PRTG: variants seen among roughly 807,000 people sequenced by gnomAD.
PRTG encodes immunoglobulin superfamily, DCC subclass, member 5.
A neutral mutation model predicts 122.5 loss-of-function variants in PRTG; 67 were observed. That is an observed-to-expected ratio of 0.55 (90% confidence interval 0.45 to 0.67). The LOEUF (loss-of-function observed/expected upper bound fraction) is 0.67, where lower values mean the gene tolerates loss of function less well. Among genes scored for constraint, PRTG ranks in the 30% least tolerant of loss-of-function variants. The probability of loss-of-function intolerance (pLI) is 0.00; values close to 1 mark genes in which losing one functional copy is unlikely to be tolerated. For missense variants in PRTG, 1,435 were observed against 1,415.4 expected (o/e 1.01, Z -0.22); for synonymous variants, 554 against 501.1 (o/e 1.11, Z -1.41).
At chr15:55,730,611 T>A (rs2031196465) in intron 2 of PRTG, among the ~76,000 whole-genome samples, 1 of 151,882 alleles carries the variant, frequency 6.6e-6, no homozygotes, top group Non-Finnish European at 1.5e-5. Context: ...CCATCCTGGC[T>A]AACACAGTGA....
chr15:55,670,744 A>G (rs1157943808), intron 11 of PRTG, among the ~76,000 whole-genome samples: 1 of 152,106 alleles, frequency 6.6e-6, no homozygotes, highest in African/African-American at 2.4e-5. Flanking sequence ...TCTGCTAAAA[A>G]TTCAAAATTA....
chr15:55,673,565 C>A lies in PRTG; in HGVS notation c.1658G>T (p.Arg553Leu). The change falls in exon 10 of 20, where the codon CGC becomes CTC. Residue 553 changes from arginine to leucine, a missense_variant. Transcript: ENST00000389286. ...KYRRGQVVLY[R>L]LSFRLSTENS... ...CTCAGTACTTAGGCGGAAAGACAAG[C>A]GATACAGCACCACTTGGCCCCGCCG... The A allele has an allele frequency of 6.2e-7, 1 of 1,614,112 alleles. No homozygotes were observed. Among genetic ancestry groups the A allele is most frequent in the East Asian group, 2.2e-5 (1 of 44,876 alleles).
At chr15:55,678,642 A>T (rs905087524) in intron 7 of PRTG, among the ~76,000 whole-genome samples, 5 of 152,180 alleles carry the variant, frequency 3.3e-5, no homozygotes, top group Non-Finnish European at 5.9e-5. Context: ...TAATCACTTA[A>T]AATTATTCAT....
intron 2 of PRTG, among the ~76,000 whole-genome samples, chr15:55,712,352 G>C (rs1415389228): frequency 7.2e-5 from 11 of 152,174 alleles, no homozygotes; most frequent in Non-Finnish European, 1.6e-4. Context: ...TTTAGTCCGT[G>C]GACAGAGGGG....
chr15:55,636,674 T>G (rs1002808914), intron 15 of PRTG, among the ~76,000 whole-genome samples: 2 of 148,880 alleles, frequency 1.3e-5, no homozygotes, highest in African/African-American at 5.0e-5. Context: ...CGAGACAGAG[T>G]CTTGTTCTTG....
chr15:55,624,577 T>A (rs1172610706), intron 17 of PRTG, 70 bp from the exon 18 acceptor site: 63 of 1,333,756 alleles, frequency 4.7e-5, no homozygotes, highest in Non-Finnish European at 6.4e-5. Context: ...CCACCTGGCC[T>A]ATCAACAAAA....
Position 55,675,509 on chromosome 15 carries a change from G to A in PRTG, c.1546+10C>T, listed in dbSNP as rs1325515502. 2 of 1,587,762 alleles carry A rather than the reference G, an allele frequency of 1.3e-6. No homozygotes were observed. Among genetic ancestry groups the A allele is most frequent in the Non-Finnish European group, 1.7e-6 (2 of 1,162,382 alleles). On this transcript the variant is annotated intron_variant, in intron 9 of 19. Transcript: ENST00000389286. The stretch of plus-strand genomic sequence containing the variant: ...TCATACTGAAATGATCTAGAATCAT[G>A]TTTTCTTACCATCCTCTAGAGTATT...
At chr15:55,701,093 T>G (rs1352139023) in intron 2 of PRTG, among the ~76,000 whole-genome samples, 1 of 152,216 alleles carries the variant, frequency 6.6e-6, no homozygotes, top group South Asian at 2.1e-4. Context: ...CCTGTTAGAA[T>G]GACTCAAATC....
At chr15:55,627,986 G>C (rs2059204998) in intron 16 of PRTG, among the ~76,000 whole-genome samples, 1 of 152,124 alleles carries the variant, frequency 6.6e-6, no homozygotes. Context: ...GAGTGGCAAG[G>C]TATTTGAGAA....
intron 11 of PRTG, among the ~76,000 whole-genome samples, chr15:55,657,757 A>G (rs1054917153): frequency 6.6e-6 from 1 of 152,226 alleles, no homozygotes. Flanking sequence ...ATGGCATGCA[A>G]TAAAGAACAT....
intron 2 of PRTG, among the ~76,000 whole-genome samples, chr15:55,736,979 C>A (rs1211336496): frequency 2.6e-5 from 4 of 152,162 alleles, no homozygotes; most frequent in South Asian, 2.1e-4. Context: ...AAACGTGAGA[C>A]CATTTTACCA....
chr15:55,646,523 C>T (rs2059325131), intron 11 of PRTG, among the ~76,000 whole-genome samples: 2 of 151,992 alleles, frequency 1.3e-5, no homozygotes, highest in South Asian at 2.1e-4. Flanking sequence ...GGGGTTTCAC[C>T]GTGTTAACAA....
chr15:55,631,143 C>T (rs1373885299), intron 15 of PRTG, among the ~76,000 whole-genome samples: 1 of 152,050 alleles, frequency 6.6e-6, no homozygotes, highest in Non-Finnish European at 1.5e-5. Flanking sequence ...GTGTGAGCTA[C>T]TTGAGTACAC....
At chr15:55,716,137 A>C (rs1567112428) in intron 2 of PRTG, among the ~76,000 whole-genome samples, 1 of 152,194 alleles carries the variant, frequency 6.6e-6, no homozygotes, top group African/African-American at 2.4e-5. Context: ...GGAGGCTGAG[A>C]CGGGAGAATC....
At chr15:55,684,429 A>T (rs1567098906) in intron 2 of PRTG, among the ~76,000 whole-genome samples, 1 of 152,174 alleles carries the variant, frequency 6.6e-6, no homozygotes, top group Non-Finnish European at 1.5e-5. Context: ...ACATGAAGAC[A>T]AGCACAGAGG....
chr15:55,627,107 A>G lies in PRTG; in HGVS notation c.2828T>C (p.Leu943Pro), dbSNP rs758849100. Residue 943 changes from leucine (L) to proline (P), a missense_variant, in exon 17 of 20, where the codon CTG (leucine) becomes CCG (proline). By Grantham distance (98) the Leu-to-Pro change is moderately conservative (BLOSUM62 -3). Coordinates refer to ENST00000389286, the MANE Select transcript of PRTG (RefSeq NM_173814.6). ...AATGCCAGTCATTGATTTTTGGTCC[A>G]GATGGTAATATCCTGAATAAACTAG... ...DAKVYSGYYH[L>P]DQKSMTGIAV... The G allele has an allele frequency of 3.1e-6, 5 of 1,603,780 alleles. No homozygotes were observed. The African/African-American group carries it at 6.7e-5, about 21-fold the overall frequency.
Position 55,740,489 on chromosome 15 carries a change from T to A in PRTG, c.290A>T (p.Glu97Val). The change falls in exon 2 of 20, where the codon GAG becomes GTG. Residue 97 changes from glutamate to valine, a missense_variant. Transcript: ENST00000389286. ...VLSNGSLYIS[E>V]VEGRRGEQSD... ...CTGCTCTCCTCGCCTGCCTTCCACC[T>A]CACTGATGTATAAAGAGCCGTTAGA... 6.2e-7 allele frequency: 1 copy of A among 1,614,214 alleles called. No homozygotes were observed. The highest frequency in any genetic ancestry group is 8.5e-7 in the Non-Finnish European group (1 of 1,180,040).
chr15:55,677,719 G>A (rs377444076), intron 8 of PRTG, 78 bp downstream of exon 8: 2 of 1,327,998 alleles, frequency 1.5e-6, no homozygotes. Flanking sequence ...TATGGATTAT[G>A]TAAGGCATTA....
intron 2 of PRTG, among the ~76,000 whole-genome samples, chr15:55,730,201 A>G (rs1232381150): frequency 6.6e-6 from 1 of 152,046 alleles, no homozygotes; most frequent in East Asian, 1.9e-4. Flanking sequence ...TCCCAGGTTC[A>G]AGAGATTCTC....
Sources: gnomAD v4.1 joint callset for allele counts (sites outside exome capture counted in the v4.1 genomes callset) on GRCh38, gnomAD v4.1.1 for gene constraint, MANE v1.5 for transcripts, NCBI Gene and HGNC (gene_info 2026-07-23, HGNC 2026-07-21) for gene names.